GPC6: variants seen among roughly 807,000 people sequenced by gnomAD.
GPC6 encodes glypican-6.
A neutral mutation model predicts 55.2 loss-of-function variants in GPC6; 14 were observed. The ratio of observed to expected loss-of-function variants is 0.25; its 90% confidence interval spans 0.17 to 0.40. The LOEUF (loss-of-function observed/expected upper bound fraction) is 0.40. GPC6 is among the 10% of genes least tolerant of loss of function. The pLI is 1.00. For missense variants in GPC6, 641 were observed against 708.5 expected, an observed-to-expected ratio of 0.90 and a Z score of 1.08; for synonymous variants, 278 against 259.6, an observed-to-expected ratio of 1.07 and a Z score of -0.68.
At chr13:93,996,586 T>C (rs576706317) in intron 3 of GPC6, among the ~76,000 whole-genome samples, 1 of 152,256 alleles carries the variant, frequency 6.6e-6, no homozygotes, top group African/African-American at 2.4e-5. Flanking sequence ...ATTTAATAGT[T>C]GAAAAAAGCA....
chr13:93,945,044 C>T (rs566851101), intron 3 of GPC6, among the ~76,000 whole-genome samples: 2 of 152,258 alleles, frequency 1.3e-5, no homozygotes, highest in South Asian at 4.1e-4. Flanking sequence ...GACTAGGTCT[C>T]CCCTGTGCCA....
intron 4 of GPC6, among the ~76,000 whole-genome samples, chr13:94,069,198 A>G (rs1360513366): frequency 1.3e-5 from 2 of 152,128 alleles, no homozygotes; most frequent in Admixed American, 6.5e-5. Context: ...TCAACACCAC[A>G]TGGAAGCTGT....
chr13:94,234,523 T>G (rs1374522443), intron 4 of GPC6, among the ~76,000 whole-genome samples: 1 of 150,550 alleles, frequency 6.6e-6, no homozygotes, highest in Non-Finnish European at 1.5e-5. Flanking sequence ...TTTTTTTTTT[T>G]GCAATATCAC....
intron 4 of GPC6, among the ~76,000 whole-genome samples, chr13:94,092,081 C>T: frequency 7.1e-6 from 1 of 141,110 alleles, no homozygotes; most frequent in Non-Finnish European, 1.5e-5. Flanking sequence ...AGGCAATTCA[C>T]ACATCCATCA....
At chr13:93,679,782 C>T (rs939815658) in intron 2 of GPC6, among the ~76,000 whole-genome samples, 1 of 151,596 alleles carries the variant, frequency 6.6e-6, no homozygotes, top group Non-Finnish European at 1.5e-5. Flanking sequence ...CACAAATATT[C>T]GCTGAGTGTT....
intron 2 of GPC6, among the ~76,000 whole-genome samples, chr13:93,707,897 A>T (rs886319975): frequency 6.6e-6 from 1 of 151,796 alleles, no homozygotes; most frequent in Non-Finnish European, 1.5e-5. Context: ...CTGATAAAAC[A>T]ATTAGAAGTT....
At chr13:94,237,784 G>C (rs1566578642) in intron 4 of GPC6, among the ~76,000 whole-genome samples, 1 of 152,138 alleles carries the variant, frequency 6.6e-6, no homozygotes, top group Non-Finnish European at 1.5e-5. Flanking sequence ...GTAAGCCAGG[G>C]TTATAATGGG....
rs1372394828 is a variant in GPC6, at chr13:93,434,337, G to A, written c.161-110926G>A. ...GATCTTCCCAGAAGAATATTACCTT[G>A]AGAGAACCCAGATGATAACACATCC... On this transcript the variant is annotated intron_variant, in intron 1 of 8. Coordinates refer to ENST00000377047, the MANE Select transcript of GPC6 (RefSeq NM_005708.5). Among the ~76,000 whole-genome samples, 10 of 152,104 alleles carry A rather than the reference G, an allele frequency of 6.6e-5. No individual in the cohort carries two copies. The East Asian group carries it at 1.5e-3, about 24-fold the overall frequency.
At chr13:93,946,999 A>C (rs1291052468) in intron 3 of GPC6, among the ~76,000 whole-genome samples, 1 of 152,162 alleles carries the variant, frequency 6.6e-6, no homozygotes, top group Non-Finnish European at 1.5e-5. Context: ...TGTATAAAGG[A>C]GTTTTCCTGA....
chr13:94,326,038 T>A (rs1421342408), intron 6 of GPC6, among the ~76,000 whole-genome samples: 1 of 152,218 alleles, frequency 6.6e-6, no homozygotes, highest in African/African-American at 2.4e-5. Flanking sequence ...GAATTTGCTC[T>A]ACATTCAGGG....
chr13:93,350,540 T>C (rs74110537), intron 1 of GPC6, among the ~76,000 whole-genome samples: 4,218 of 152,304 alleles, frequency 0.028, 190 homozygotes, highest in African/African-American at 0.096. Context: ...GTAATTTGCT[T>C]GGACAGATAA....
chr13:93,416,989 A>G (rs1876723960), intron 1 of GPC6, among the ~76,000 whole-genome samples: 1 of 152,142 alleles, frequency 6.6e-6, no homozygotes, highest in Non-Finnish European at 1.5e-5. Flanking sequence ...CACCTTTGTC[A>G]GAAAAATAAA....
chr13:93,261,871 G>A (rs1165620627), intron 1 of GPC6, among the ~76,000 whole-genome samples: 1 of 151,472 alleles, frequency 6.6e-6, no homozygotes, highest in African/African-American at 2.4e-5. Context: ...AAATAAAGAT[G>A]AGGTAACTTT....
intron 2 of GPC6, among the ~76,000 whole-genome samples, chr13:93,551,317 A>G (rs1875148337): frequency 6.6e-6 from 1 of 152,154 alleles, no homozygotes; most frequent in African/African-American, 2.4e-5. Flanking sequence ...ACAAAAAAAA[A>G]AAAACACAAT....
At chr13:94,163,364 A>AT (rs201231024) in intron 4 of GPC6, among the ~76,000 whole-genome samples, 2 of 151,664 alleles carry the variant, frequency 1.3e-5, no homozygotes, top group Non-Finnish European at 2.9e-5. Flanking sequence ...TCCCTGTAGG[A>AT]TTTTTTTCAA....
At chr13:93,839,903 A>G (rs1013066943) in intron 3 of GPC6, among the ~76,000 whole-genome samples, 2 of 152,146 alleles carry the variant, frequency 1.3e-5, no homozygotes, top group Non-Finnish European at 2.9e-5. Flanking sequence ...ATCTATATTC[A>G]TCGAGGATAT....
intron 3 of GPC6, among the ~76,000 whole-genome samples, chr13:93,939,368 G>C (rs539119037): frequency 6.6e-6 from 1 of 150,676 alleles, no homozygotes; most frequent in Admixed American, 6.6e-5. Flanking sequence ...GCAGTGAGCC[G>C]AGATGCGCCA....
At chr13:94,090,445 A>G (rs1885438717) in intron 4 of GPC6, among the ~76,000 whole-genome samples, 1 of 152,110 alleles carries the variant, frequency 6.6e-6, no homozygotes, top group African/African-American at 2.4e-5. Context: ...GTCATCTTAA[A>G]CAGCTCTCCT....
At chr13:93,616,602 A>G (rs1878733728) in intron 2 of GPC6, among the ~76,000 whole-genome samples, 1 of 152,120 alleles carries the variant, frequency 6.6e-6, no homozygotes, top group African/African-American at 2.4e-5. Flanking sequence ...CTTCCTGTTA[A>G]TAACACAATG....
Sources: gnomAD v4.1 joint callset for allele counts (sites outside exome capture counted in the v4.1 genomes callset) on GRCh38, gnomAD v4.1.1 for gene constraint, MANE v1.5 for transcripts, NCBI Gene and HGNC (gene_info 2026-07-23, HGNC 2026-07-21) for gene names.